Variants in CDK14 observed in about 807,000 individuals in gnomAD.
CDK14 encodes cyclin dependent kinase 14, also known as cyclin-dependent kinase 14.
A neutral mutation model predicts 60.7 loss-of-function variants in CDK14; 34 were observed. The ratio of observed to expected loss-of-function variants is 0.56; its 90% CI spans 0.43 to 0.75. CDK14 has a LOEUF of 0.75. Among genes scored for constraint, CDK14 ranks in the 30% least tolerant of loss-of-function variants. CDK14 has a pLI of 0.00. For synonymous variants in CDK14, 197 were observed against 203.7 expected (o/e 0.97, Z 0.28); for missense variants, 482 against 564.1 (o/e 0.85, Z 1.47).
chr7:90,839,550 G>T (rs989092480), intron 5 of CDK14, among the ~76,000 whole-genome samples: 1 of 152,164 alleles, frequency 6.6e-6, no homozygotes, highest in East Asian at 1.9e-4. Flanking sequence ...TCTACTTGCT[G>T]CAATGTGTCT....
At chr7:90,816,177 C>T (rs974285515) in intron 5 of CDK14, among the ~76,000 whole-genome samples, 5 of 152,074 alleles carry the variant, frequency 3.3e-5, no homozygotes, top group African/African-American at 7.2e-5. Flanking sequence ...AGCCTTCAAA[C>T]GTAGATAAAA....
chr7:91,177,815 A>G (rs1224299828), intron 14 of CDK14, among the ~76,000 whole-genome samples: 1 of 143,072 alleles, frequency 7.0e-6, no homozygotes, highest in Non-Finnish European at 1.5e-5. Flanking sequence ...AAAAGAGGAT[A>G]CAAACAAATG....
In CDK14 at chr7:90,636,042, A is replaced by G. The variant is rs532709006; in HGVS notation, c.123+31793A>G. ...GCTTAAGGAGATTTTGGGCTGAGAC[A>G]ATGGGGTTTTCTAGATATACAATCA... is the stretch of plus-strand genomic sequence containing the variant. On this transcript the variant is annotated intron_variant, in intron 2 of 14. Transcript: ENST00000380050. Among the ~76,000 whole-genome samples the G allele has an allele frequency of 6.5e-4, 97 of 150,238 alleles. 1 individual carries two copies. In the East Asian group the frequency reaches 0.011, roughly 17 times the overall value.
intron 11 of CDK14, among the ~76,000 whole-genome samples, chr7:91,057,044 A>G (rs1049704782): frequency 3.3e-5 from 5 of 151,932 alleles, no homozygotes; most frequent in African/African-American, 4.8e-5. Context: ...AAGTGTTCCT[A>G]TTTCTCCACA....
In CDK14 at chr7:90,797,735, A is replaced by G. The variant is rs552173817; in HGVS notation, c.544+7083A>G. ...CAAAGGGGAAGCAGGCACGTCTTAC[A>G]TGCTGAAGCAGGAGGAATAGAGAGA... On this transcript the variant is annotated intron_variant, in intron 5 of 14. Transcript: ENST00000380050. Among the ~76,000 whole-genome samples, 20 of 152,068 alleles carry G rather than the reference A, an allele frequency of 1.3e-4. 1 individual carries two copies. Among genetic ancestry groups the G allele is most frequent in the African/African-American group, 4.6e-4 (19 of 41,350 alleles).
intron 9 of CDK14, among the ~76,000 whole-genome samples, chr7:90,962,711 A>G (rs1018121213): frequency 2.0e-5 from 3 of 152,216 alleles, no homozygotes; most frequent in Non-Finnish European, 4.4e-5. Flanking sequence ...CAATGTTTGC[A>G]AAATAATTGG....
chr7:90,932,931 T>C (rs1055262600), intron 8 of CDK14, among the ~76,000 whole-genome samples: 3 of 152,204 alleles, frequency 2.0e-5, no homozygotes, highest in African/African-American at 7.2e-5. Context: ...AAAGTGAATA[T>C]GAATAGGCAA....
chr7:91,152,553 A>G (rs1187672446), intron 14 of CDK14, among the ~76,000 whole-genome samples: 2 of 152,214 alleles, frequency 1.3e-5, no homozygotes, highest in African/African-American at 4.8e-5. Flanking sequence ...CTTATTTTAC[A>G]TAAAGATTCA....
intron 2 of CDK14, among the ~76,000 whole-genome samples, chr7:90,685,514 G>A (rs1380740775): frequency 6.6e-6 from 1 of 151,776 alleles, no homozygotes; most frequent in East Asian, 1.9e-4. Flanking sequence ...GTCTTGTTCT[G>A]TCACCCAGGC....
chr7:91,079,499 T>C lies in CDK14; in HGVS notation c.1154+19T>C. 1 of 1,549,404 alleles carries C rather than the reference T, an allele frequency of 6.5e-7. No homozygotes were observed. The highest frequency in any genetic ancestry group is 8.9e-7 in the Non-Finnish European group (1 of 1,122,294). On this transcript the variant is annotated intron_variant, in intron 12 of 14. Transcript: ENST00000380050. ...GGAATAAGTAAGTCTTTATACAGATTGTGCTCATTCTCTTTCTTTCTCTTT... is the reference window on the plus strand; with the variant it reads ...GGAATAAGTAAGTCTTTATACAGATCGTGCTCATTCTCTTTCTTTCTCTTT...
At chr7:91,163,761 C>T (rs984225192) in intron 14 of CDK14, among the ~76,000 whole-genome samples, 6 of 152,170 alleles carry the variant, frequency 3.9e-5, no homozygotes, top group Non-Finnish European at 8.8e-5. Context: ...TTTCCTCCCT[C>T]ACCCTACCCC....
chr7:90,866,482 A>G (rs1040688837), intron 6 of CDK14, among the ~76,000 whole-genome samples: 3 of 152,130 alleles, frequency 2.0e-5, no homozygotes, highest in African/African-American at 7.2e-5. Context: ...CCAATACCCC[A>G]TGCCCATTAA....
chr7:91,102,884 T>C (rs981006401), intron 12 of CDK14, among the ~76,000 whole-genome samples: 1 of 152,222 alleles, frequency 6.6e-6, no homozygotes, highest in Non-Finnish European at 1.5e-5. Context: ...TCTATAGATA[T>C]AACCATTGAT....
At chr7:90,948,887 T>C (rs1274999489) in intron 8 of CDK14, among the ~76,000 whole-genome samples, 2 of 152,156 alleles carry the variant, frequency 1.3e-5, no homozygotes, top group East Asian at 3.8e-4. Flanking sequence ...TGACAAGTCT[T>C]CCAATATGCA....
At chr7:91,065,744 CT>C (rs1797955913) in intron 11 of CDK14, among the ~76,000 whole-genome samples, 1 of 152,204 alleles carries the variant, frequency 6.6e-6, no homozygotes, top group Admixed American at 6.5e-5. Flanking sequence ...TACTTGTGAC[CT>C]TGTATGTTTG....
chr7:91,166,084 T>A (rs1263081874), intron 14 of CDK14, among the ~76,000 whole-genome samples: 1 of 152,218 alleles, frequency 6.6e-6, no homozygotes, highest in African/African-American at 2.4e-5. Flanking sequence ...AAATGGACTG[T>A]TTGCCAAATG....
chr7:90,678,396 A>C (rs565609282), intron 2 of CDK14, among the ~76,000 whole-genome samples: 34 of 152,308 alleles, frequency 2.2e-4, no homozygotes, highest in Non-Finnish European at 4.0e-4. Flanking sequence ...CCAAAGCTTT[A>C]GAGGAGAAGA....
At chr7:91,157,351 TC>T (rs1801014789) in intron 14 of CDK14, among the ~76,000 whole-genome samples, 1 of 152,176 alleles carries the variant, frequency 6.6e-6, no homozygotes, top group Non-Finnish European at 1.5e-5. Context: ...AGACCTGGGT[TC>T]AAATCCCAGC....
chr7:91,012,982 C>T (rs914990445), intron 10 of CDK14, among the ~76,000 whole-genome samples: 1 of 152,176 alleles, frequency 6.6e-6, no homozygotes, highest in East Asian at 1.9e-4. Context: ...TCTGGCCAGT[C>T]ACTTAGTGCA....
Sources: allele counts gnomAD v4.1 joint callset (sites outside exome capture counted in the v4.1 genomes callset), GRCh38; gene constraint gnomAD v4.1.1; transcripts MANE v1.5; gene names NCBI Gene and HGNC (gene_info 2026-07-23, HGNC 2026-07-21).